The following FANCA variants were observed in gnomAD, a reference collection of about 807,000 sequenced individuals.
The protein encoded by FANCA is Fanconi anemia group A protein.
A neutral mutation model predicts 194.3 loss-of-function variants in FANCA; 236 were observed. The ratio of observed to expected loss-of-function variants is 1.21; its 90% CI spans 1.09 to 1.35. The LOEUF (loss-of-function observed/expected upper bound fraction) is 1.35, where lower values mean the gene tolerates loss of function less well. Ranked by LOEUF, FANCA falls within the 40% of genes most tolerant of loss-of-function variation. FANCA has a pLI of 0.00. For synonymous variants in FANCA, 1,014 were observed against 715.8 expected (o/e 1.42, Z -6.65); for missense variants, 2,628 against 1,813.9 (o/e 1.45, Z -8.15).
At chr16:89,773,430 C>T (rs1315557341) in intron 21 of FANCA, 46 bp from the exon 22 acceptor site, 1 of 1,316,046 alleles carries the variant, frequency 7.6e-7, no homozygotes, top group Admixed American at 2.0e-5. Context: ...CTCAACAGGA[C>T]TCTTCACTGC....
rs759224475 is a variant in FANCA, at chr16:89,795,900, G to A, written c.1006+6C>T. 1.2e-6 allele frequency: 2 copies of A among 1,605,890 alleles called. No individual in the cohort carries two copies. Among genetic ancestry groups the A allele is most frequent in the East Asian group, 4.5e-5 (2 of 44,836 alleles). Reference sequence around the variant, plus strand: ...AGCAACTGAGCAGCCTCCACACTGGGCCTACCTTTCAGCACAGGGCTGTGA... The same window carrying A: ...AGCAACTGAGCAGCCTCCACACTGGACCTACCTTTCAGCACAGGGCTGTGA... On this transcript the variant is annotated splice_donor_region_variant and intron_variant, in intron 11 of 42. Coordinates refer to ENST00000389301, the MANE Select transcript of FANCA (RefSeq NM_000135.4).
At chr16:89,776,254 G>A (rs1179500477) in intron 20 of FANCA, among the ~76,000 whole-genome samples, 5 of 127,694 alleles carry the variant, frequency 3.9e-5, no homozygotes, top group African/African-American at 1.2e-4. Context: ...TGCAACCTCC[G>A]CCTCCCAGGT....
At chr16:89,811,258 A>C (rs2040868430) in intron 3 of FANCA, among the ~76,000 whole-genome samples, 187 bp from the exon 4 acceptor site, 1 of 152,256 alleles carries the variant, frequency 6.6e-6, no homozygotes, top group Non-Finnish European at 1.5e-5. Context: ...CAAGCAGCTC[A>C]CAATAAAACT....
At chr16:89,758,432 A>ACT (rs1324719843) in intron 30 of FANCA, 145 bp downstream of exon 30, 5 of 888,228 alleles carry the variant, frequency 5.6e-6, no homozygotes, top group Non-Finnish European at 7.3e-6. Context: ...TTGCCAAAGG[A>ACT]GACTGACATT....
chr16:89,776,617 G>A (rs571328881), intron 20 of FANCA, among the ~76,000 whole-genome samples: 112 of 151,880 alleles, frequency 7.4e-4, no homozygotes, highest in African/African-American at 2.2e-3. Flanking sequence ...CAGGAGGTCA[G>A]GAGATTGAGA....
At chr16:89,749,660 C>T (rs2038511751) in intron 32 of FANCA, 70 bp downstream of exon 32, 1 of 1,549,592 alleles carries the variant, frequency 6.5e-7, no homozygotes, top group African/African-American at 1.4e-5. Flanking sequence ...TACAAAGAAC[C>T]TCTAGGACCG....
At chr16:89,756,951 G>A (rs1177146046) in intron 30 of FANCA, among the ~76,000 whole-genome samples, 3 of 152,190 alleles carry the variant, frequency 2.0e-5, no homozygotes, top group Non-Finnish European at 4.4e-5. Context: ...AATGCTCTGT[G>A]AATCTAACCG....
intron 28 of FANCA, among the ~76,000 whole-genome samples, chr16:89,764,464 C>G (rs2039056449): frequency 6.6e-6 from 1 of 152,042 alleles, no homozygotes; most frequent in Non-Finnish European, 1.5e-5. Context: ...CACAACTGTG[C>G]CCAGCTAATT....
chr16:89,785,388 T>C (rs1567631004), intron 14 of FANCA, among the ~76,000 whole-genome samples: 1 of 152,232 alleles, frequency 6.6e-6, no homozygotes, highest in South Asian at 2.1e-4. Context: ...AAATTGATTT[T>C]GTGGGATGAA....
chr16:89,743,073 A>G, intron 36 of FANCA, 135 bp from the exon 37 acceptor site: 3 of 1,019,422 alleles, frequency 2.9e-6, no homozygotes, highest in Middle Eastern at 3.2e-4. Context: ...TTTCAGGACC[A>G]TCAGAAACTA....
chr16:89,796,109 C>A, intron 10 of FANCA, 91 bp from the exon 11 acceptor site: 4 of 991,198 alleles, frequency 4.0e-6, no homozygotes, highest in East Asian at 2.4e-5. Flanking sequence ...TCAGGCTCAT[C>A]CCTTCTTTAA....
chr16:89,740,725 G>T, intron 38 of FANCA, 79 bp downstream of exon 38: 1 of 1,242,356 alleles, frequency 8.0e-7, no homozygotes, highest in Non-Finnish European at 1.2e-6. Flanking sequence ...TGGAAACCCT[G>T]ACTTGGAAGC....
chr16:89,746,217 C>A (rs1275433618), intron 35 of FANCA, among the ~76,000 whole-genome samples: 4 of 152,164 alleles, frequency 2.6e-5, no homozygotes, highest in Non-Finnish European at 5.9e-5. Flanking sequence ...GTCATGCTCT[C>A]GTGACGGGGC....
intron 7 of FANCA, among the ~76,000 whole-genome samples, chr16:89,803,585 T>C (rs1222025095): frequency 1.3e-5 from 2 of 152,000 alleles, no homozygotes; most frequent in African/African-American, 4.8e-5. Context: ...CTCTTGCACT[T>C]CTATTTGAAA....
Position 89,810,814 on chromosome 16 carries a change from G to C in FANCA, c.427-12C>G, listed in dbSNP as rs2040847731. 2.5e-6 allele frequency: 4 copies of C among 1,611,884 alleles called. No individual in the cohort carries two copies. Among genetic ancestry groups the C allele is most frequent in the African/African-American group, 1.3e-5 (1 of 74,898 alleles). ...GAAGACAGCTTCTTCTGAAAAGAGA[G>C]ATTACATTTTTTAAAAAACAAATTA... On this transcript the variant is annotated splice_polypyrimidine_tract_variant and intron_variant, in intron 4 of 42. Transcript: ENST00000389301.
Position 89,787,585 on chromosome 16 carries a change from A to C in FANCA, c.1360-2621T>G, listed in dbSNP as rs189183415. Among the ~76,000 whole-genome samples the C allele has an allele frequency of 1.4e-3, 215 of 152,094 alleles. 2 individuals are homozygous for C. The highest frequency in any genetic ancestry group is 4.9e-3 in the African/African-American group (205 of 41,490). Reference sequence around the variant, plus strand: ...CTATGTCCACAAAAAATTTTTTAATAATTAGCCAGGTGTGGTGACATACAC... The same window carrying C: ...CTATGTCCACAAAAAATTTTTTAATCATTAGCCAGGTGTGGTGACATACAC... On this transcript the variant is annotated intron_variant, in intron 14 of 42. Coordinates refer to ENST00000389301, the MANE Select transcript of FANCA (RefSeq NM_000135.4).
intron 5 of FANCA, 49 bp downstream of exon 5, chr16:89,810,658 G>T: frequency 8.2e-7 from 1 of 1,225,508 alleles, no homozygotes; most frequent in Non-Finnish European, 1.2e-6. Context: ...CAGATCAACA[G>T]AACATTGCCT....
At chr16:89,775,663 G>T in intron 21 of FANCA, 79 bp downstream of exon 21, 1 of 1,200,692 alleles carries the variant, frequency 8.3e-7, no homozygotes, top group Non-Finnish European at 1.2e-6. Flanking sequence ...CACTCGGGTG[G>T]TGTAGCACAA....
At chr16:89,786,537 A>G (rs2039904003) in intron 14 of FANCA, among the ~76,000 whole-genome samples, 1 of 152,088 alleles carries the variant, frequency 6.6e-6, no homozygotes, top group African/African-American at 2.4e-5. Flanking sequence ...GGCTGGTCTC[A>G]AACTCCTGAC....
Sources: allele counts gnomAD v4.1 joint callset (sites outside exome capture counted in the v4.1 genomes callset), GRCh38; gene constraint gnomAD v4.1.1; transcripts MANE v1.5; gene names NCBI Gene and HGNC (gene_info 2026-07-23, HGNC 2026-07-21).